CROCC: variants seen among roughly 807,000 people sequenced by gnomAD.
CROCC encodes the protein ciliary rootlet coiled-coil, rootletin, also known as rootletin.
In CROCC, 180 loss-of-function variants were observed where a neutral mutation model predicts 245.2. That is an observed-to-expected ratio of 0.73 (90% confidence interval 0.65 to 0.83). The LOEUF (loss-of-function observed/expected upper bound fraction) is 0.83, where lower values mean the gene tolerates loss of function less well. Among genes scored for constraint, CROCC ranks in the 40% least tolerant of loss-of-function variants. The pLI, the probability that CROCC is intolerant of heterozygous loss-of-function variation, is 0.00. For synonymous variants in CROCC, 1,205 were observed against 1,241.6 expected, an observed-to-expected ratio of 0.97 and a Z score of 0.62; for missense variants, 2,688 against 2,779.4, an observed-to-expected ratio of 0.97 and a Z score of 0.74.
intron 13 of CROCC, among the ~76,000 whole-genome samples, 193 bp downstream of exon 13, chr1:16,940,286 C>T (rs1557603180): frequency 6.6e-6 from 1 of 152,250 alleles, no homozygotes; most frequent in African/African-American, 2.4e-5. Flanking sequence ...TGCAGTGGCG[C>T]GATCTCGGCT....
At chr1:16,935,897 G>A (rs1215267271) in intron 8 of CROCC, among the ~76,000 whole-genome samples, 9 of 152,262 alleles carry the variant, frequency 5.9e-5, no homozygotes, top group African/African-American at 1.9e-4. Flanking sequence ...GGGGTATATC[G>A]TTGGATACGT....
At chr1:16,918,162 TGAG>T (rs2075329495), upstream of CROCC, among the ~76,000 whole-genome samples, 1 of 148,346 alleles carries the variant, frequency 6.7e-6, no homozygotes, top group Non-Finnish European at 1.5e-5. Context: ...ATTTTGCAGA[TGAG>T]GAAACTGAAG....
intron 8 of CROCC, among the ~76,000 whole-genome samples, chr1:16,935,403 C>G (rs2100392930): frequency 6.6e-6 from 1 of 152,342 alleles, no homozygotes; most frequent in African/African-American, 2.4e-5. Context: ...GGAAGAACTT[C>G]TCCACTGGTT....
At chr1:16,944,738 T>A (rs1301722107) in intron 14 of CROCC, among the ~76,000 whole-genome samples, 1 of 152,246 alleles carries the variant, frequency 6.6e-6, no homozygotes, top group African/African-American at 2.4e-5. Context: ...TTGCCCCAGG[T>A]CACACAGTTA....
chr1:16,948,551 G>T, intron 18 of CROCC, 27 bp downstream of exon 18: 3 of 1,501,236 alleles, frequency 2.0e-6, no homozygotes, highest in Non-Finnish European at 2.7e-6. Flanking sequence ...TGCCCAACCC[G>T]CCCTGGGGGG....
Position 16,966,348 on chromosome 1 carries a change from C to A in CROCC, c.4697-60C>A. 2 of 1,468,888 alleles carry A rather than the reference C, an allele frequency of 1.4e-6. No individual in the cohort carries two copies. Among genetic ancestry groups the A allele is most frequent in the South Asian group, 2.7e-5 (2 of 73,878 alleles). 91.0% of individuals were successfully genotyped at this position (1,468,888 alleles called of 1,614,324 possible). A position where few individuals can be genotyped will look rare whatever the true frequency, so the allele number is the denominator to read the frequency against. Reference sequence around the variant, plus strand: ...GGAGTGCAGGCTGGACATTTTGTGACCTGGTTTGGGTCTCGGGGCTGTGCT... The same window carrying A: ...GGAGTGCAGGCTGGACATTTTGTGAACTGGTTTGGGTCTCGGGGCTGTGCT... On this transcript the variant is annotated intron_variant, in intron 29 of 36. Transcript: ENST00000375541. The surrounding 1 kb of genome is among the most constrained non-coding windows in gnomAD (Gnocchi z 4.8).
chr1:16,927,826 C>G (rs1207293561), intron 3 of CROCC, among the ~76,000 whole-genome samples: 1 of 152,406 alleles, frequency 6.6e-6, no homozygotes, highest in East Asian at 1.9e-4. Flanking sequence ...AGGCAGAAAC[C>G]CCCTACTTCC....
chr1:16,947,004 G>A lies in CROCC; in HGVS notation c.2514+13G>A. 1 of 1,542,702 alleles carries A rather than the reference G, an allele frequency of 6.5e-7. No homozygotes were observed. The highest frequency in any genetic ancestry group is 8.7e-7 in the Non-Finnish European group (1 of 1,142,858). On this transcript the variant is annotated intron_variant, in intron 17 of 36. Coordinates refer to ENST00000375541, the MANE Select transcript of CROCC (RefSeq NM_014675.5). The stretch of plus-strand genomic sequence containing the variant: ...GCAGCTAGCGCAGGTGGGCAAAGCT[G>A]TGTGTGGGGGTGGTGTGGAGAGCAT...
chr1:16,971,678 G>T, intron 36 of CROCC, 31 bp downstream of exon 36: 1 of 1,447,528 alleles, frequency 6.9e-7, no homozygotes. Flanking sequence ...GGCTGGGCCA[G>T]GATGGATGTG....
chr1:16,949,102 C>G (rs1406684023), intron 19 of CROCC, among the ~76,000 whole-genome samples, 176 bp downstream of exon 19: 2 of 152,226 alleles, frequency 1.3e-5, no homozygotes, highest in South Asian at 4.1e-4. Flanking sequence ...CCTTTCCTCT[C>G]TGGGCTGCAG....
rs374447648 is a variant in CROCC, at chr1:16,971,559, G to C, written c.5879G>C (p.Arg1960Pro). ...QQLELQQEVE[R>P]LRSAQAQTER... ...CTGGAGCTGCAGCAGGAGGTGGAGC[G>C]GCTGCGCAGCGCCCAGGCGCAGACT... Residue 1960 changes from arginine to proline, a missense_variant, in exon 36 of 37, where the codon CGG becomes CCG. Around this residue, in one of 9 missense-constraint regions of CROCC, gnomAD observed 1,218 missense variants for 1,286.3 expected, o/e 0.95. Coordinates refer to ENST00000375541, the MANE Select transcript of CROCC (RefSeq NM_014675.5). The C allele has an allele frequency of 1.3e-6, 2 of 1,536,436 alleles. No individual in the cohort carries two copies. The highest frequency in any genetic ancestry group is 1.4e-5 in the African/African-American group (1 of 72,946).
intron 14 of CROCC, among the ~76,000 whole-genome samples, chr1:16,945,216 G>A (rs2076018450): frequency 6.6e-6 from 1 of 152,284 alleles, no homozygotes; most frequent in Non-Finnish European, 1.5e-5. Context: ...CTGTGTGACA[G>A]AGCAAGACTG....
Position 16,931,353 on chromosome 1 carries a change from G to A in CROCC, c.912G>A (p.Val304=). 2 of 1,612,760 alleles carry A rather than the reference G, an allele frequency of 1.2e-6. No individual in the cohort carries two copies. Among genetic ancestry groups the A allele is most frequent in the Non-Finnish European group, 1.7e-6 (2 of 1,179,068 alleles). The change falls in exon 8 of 37, where the codon GTG becomes GTA. Residue 304 remains valine, a synonymous_variant. Coordinates refer to ENST00000375541, the MANE Select transcript of CROCC (RefSeq NM_014675.5). ...TGCTCCTCCTCTGGAGGCAGGTGGT[G>A]GGGTTCCGGCGGCTGGTCAGCGAGG... ...SRLLLLWRQV[V]GFRRLVSEVK... is the part of the protein sequence containing the mutation.
At position 16,955,476 on chromosome 1, in the gene CROCC, G is replaced by T; in HGVS notation, c.3630G>T (p.Lys1210Asn). The T allele has an allele frequency of 6.3e-7, 1 of 1,587,230 alleles. No homozygotes were observed. ...GACGCAGCCTGGGCGAGGGTGCCAA[G>T]GAGCGCGAGGCCCTGCGGCGTTCCA... ...ELRRSLGEGA[K>N]EREALRRSNE... Residue 1210 changes from lysine to asparagine, a missense_variant, in exon 24 of 37, where the codon AAG becomes AAT. Lys to Asn is a moderately conservative substitution (Grantham distance 94). This residue lies in a region of CROCC where 1,218 missense variants were observed against 1,286.3 expected (regional missense o/e 0.95). Transcript: ENST00000375541.
intron 25 of CROCC, among the ~76,000 whole-genome samples, chr1:16,956,541 C>G (rs2076252969): frequency 1.3e-5 from 2 of 152,146 alleles, no homozygotes; most frequent in African/African-American, 2.4e-5. Flanking sequence ...CACACAGTCT[C>G]TGTTGCAACT....
intron 26 of CROCC, among the ~76,000 whole-genome samples, chr1:16,959,993 G>A (rs1343775113): frequency 1.3e-5 from 2 of 151,762 alleles, no homozygotes; most frequent in South Asian, 2.1e-4. Context: ...ACAGCCGGGC[G>A]CAGTGGCTCA....
At position 16,929,834 on chromosome 1, in the gene CROCC, C is replaced by G. The variant is rs573658825; in HGVS notation, c.352-12C>G. ...GAGGCCCAGGACTCTCACCCAGGGC[C>G]CTTCCCTGCAGCTGGAGCAGGCTCT... On this transcript the variant is annotated splice_polypyrimidine_tract_variant and intron_variant, in intron 3 of 36. Coordinates refer to ENST00000375541, the MANE Select transcript of CROCC (RefSeq NM_014675.5). 1.2e-5 allele frequency: 18 copies of G among 1,538,772 alleles called. No homozygotes were observed. The African/African-American group carries it at 2.3e-4, about 20-fold the overall frequency.
chr1:16,925,116 T>C (rs2075505120), intron 3 of CROCC, among the ~76,000 whole-genome samples: 1 of 152,284 alleles, frequency 6.6e-6, no homozygotes, highest in Non-Finnish European at 1.5e-5. Flanking sequence ...CTTGATGCAC[T>C]GTCTGCTTTG....
rs373806956 is a variant in CROCC, at chr1:16,946,300, G to A, written c.2178G>A (p.Lys726=). ...GRVELELSMT[K]LRAEEASLQD... ...TGGAGCTCGAGCTCTCCATGACCAA[G>A]CTGAGGGCAGAGGAGGCCTCCCTGC... The change falls in exon 16 of 37, where the codon AAG becomes AAA. Residue 726 remains lysine, a synonymous_variant. Coordinates refer to ENST00000375541, the MANE Select transcript of CROCC (RefSeq NM_014675.5). 2 of 1,613,584 alleles carry A rather than the reference G, an allele frequency of 1.2e-6. No individual in the cohort carries two copies. The highest frequency in any genetic ancestry group is 1.7e-6 in the Non-Finnish European group (2 of 1,179,996).
Sources: allele counts gnomAD v4.1 joint callset (sites outside exome capture counted in the v4.1 genomes callset), GRCh38; gene constraint gnomAD v4.1.1; regional missense constraint gnomAD v4.1.1; non-coding constraint Gnocchi (gnomAD v3.1); transcripts MANE v1.5; gene names NCBI Gene and HGNC (gene_info 2026-07-23, HGNC 2026-07-21).